The following DPYD variants were observed in gnomAD, a reference collection of about 807,000 sequenced individuals.
DPYD encodes the protein dihydropyrimidine dehydrogenase [NADP(+)].
DPYD carries 109 observed loss-of-function variants against 116.2 expected under a neutral mutation model. That is an observed-to-expected ratio of 0.94 (90% CI 0.80 to 1.10). The LOEUF (loss-of-function observed/expected upper bound fraction) is 1.10. Ranked by LOEUF, DPYD falls within the 50% of genes least tolerant of loss-of-function variation. The pLI is 0.00. For missense variants in DPYD, 1,302 were observed against 1,254.5 expected, an observed-to-expected ratio of 1.04 and a Z score of -0.57; for synonymous variants, 440 against 432.0, an observed-to-expected ratio of 1.02 and a Z score of -0.23.
intron 18 of DPYD, among the ~76,000 whole-genome samples, chr1:97,278,819 A>T (rs1665121207): frequency 6.6e-6 from 1 of 152,226 alleles, no homozygotes; most frequent in East Asian, 1.9e-4. Context: ...ATTTACTATC[A>T]GTGTATGAAT....
At position 97,306,130 on chromosome 1, in the gene DPYD, G is replaced by A. The variant is rs144820557; in HGVS notation, c.2179+47C>T. 1.9e-4 allele frequency: 309 copies of A among 1,610,598 alleles called. 2 individuals are homozygous for A. The East Asian group carries it at 3.4e-3, about 18-fold the overall frequency. ...TACTTGAGTATGGCTACATAATGTG[G>A]GCCAATATTTACAATAGCGGGCAAC... On this transcript the variant is annotated intron_variant, in intron 17 of 22. Coordinates refer to ENST00000370192, the MANE Select transcript of DPYD (RefSeq NM_000110.4).
In DPYD at chr1:97,326,922, A is replaced by G. The variant is rs78561291; in HGVS notation, c.2059-20625T>C. Among the ~76,000 whole-genome samples the G allele has an allele frequency of 7.0e-3, 1,064 of 152,168 alleles. 11 individuals carry two copies. Among genetic ancestry groups the G allele is most frequent in the African/African-American group, 0.025 (1,022 of 41,570 alleles). ...CACAATTAGAACTAATGACATGATG[A>G]AAGAGATCATCTGTTATGTTACAAG... On this transcript the variant is annotated intron_variant, in intron 16 of 22. Transcript: ENST00000370192.
At chr1:97,540,087 A>G (rs1397840554) in intron 12 of DPYD, among the ~76,000 whole-genome samples, 1 of 152,080 alleles carries the variant, frequency 6.6e-6, no homozygotes, top group Non-Finnish European at 1.5e-5. Flanking sequence ...TCTGTAGTGG[A>G]CACAAGCTGA....
chr1:97,578,086 T>C (rs2102199048), intron 10 of DPYD, among the ~76,000 whole-genome samples: 1 of 152,164 alleles, frequency 6.6e-6, no homozygotes, highest in South Asian at 2.1e-4. Flanking sequence ...CCTCAAGTGT[T>C]CCGCCCACCT....
chr1:97,730,896 T>C (rs1015217900), intron 4 of DPYD, among the ~76,000 whole-genome samples: 22 of 151,640 alleles, frequency 1.5e-4, no homozygotes, highest in Non-Finnish European at 2.8e-4. Flanking sequence ...AAAAAAAGCA[T>C]TGGGTATTGA....
intron 8 of DPYD, among the ~76,000 whole-genome samples, chr1:97,628,515 A>G (rs1485324825): frequency 4.6e-5 from 7 of 152,104 alleles, no homozygotes; most frequent in Non-Finnish European, 1.0e-4. Flanking sequence ...TCCTGCCATC[A>G]AGCATGTAGT....
At chr1:97,356,309 C>G (rs1670426805) in intron 16 of DPYD, among the ~76,000 whole-genome samples, 1 of 152,128 alleles carries the variant, frequency 6.6e-6, no homozygotes, top group African/African-American at 2.4e-5. Context: ...TGTTTAGTCT[C>G]CTTATATATA....
chr1:97,479,598 T>A (rs1678185837), intron 13 of DPYD, among the ~76,000 whole-genome samples: 1 of 152,168 alleles, frequency 6.6e-6, no homozygotes, highest in African/African-American at 2.4e-5. Flanking sequence ...TATCAAAATG[T>A]GGCACAGAGA....
At chr1:97,711,577 G>A (rs1662286057) in intron 5 of DPYD, among the ~76,000 whole-genome samples, 1 of 151,902 alleles carries the variant, frequency 6.6e-6, no homozygotes, top group African/African-American at 2.4e-5. Flanking sequence ...GGTCAGTTTT[G>A]ATAAATGTTC....
Position 97,866,395 on chromosome 1 carries a change from C to T in DPYD, c.150+16869G>A, listed in dbSNP as rs111599405. Among the ~76,000 whole-genome samples the T allele has an allele frequency of 2.4e-3, 361 of 152,074 alleles. 1 individual carries two copies. The highest frequency in any genetic ancestry group is 3.8e-3 in the Non-Finnish European group (259 of 67,904). On this transcript the variant is annotated intron_variant, in intron 2 of 22. Transcript: ENST00000370192. Reference sequence around the variant, plus strand: ...AAGCAAATGAATTTGAAAAACCAAACTTTAAATGTGAACTTCAATTTTTAT... The same window carrying T: ...AAGCAAATGAATTTGAAAAACCAAATTTTAAATGTGAACTTCAATTTTTAT...
At chr1:97,343,063 T>C (rs752476872) in intron 16 of DPYD, among the ~76,000 whole-genome samples, 7 of 152,146 alleles carry the variant, frequency 4.6e-5, no homozygotes, top group Non-Finnish European at 1.0e-4. Context: ...ATACTGTGAA[T>C]CAGTACATTT....
intron 13 of DPYD, among the ~76,000 whole-genome samples, chr1:97,485,349 G>A (rs186521793): frequency 6.6e-6 from 1 of 152,166 alleles, no homozygotes; most frequent in Non-Finnish European, 1.5e-5. Flanking sequence ...CTACAGGAGT[G>A]CACCACGATG....
chr1:97,706,745 AGTTT>A (rs1661979105), intron 5 of DPYD, among the ~76,000 whole-genome samples: 1 of 152,072 alleles, frequency 6.6e-6, no homozygotes, highest in South Asian at 2.1e-4. Context: ...TATGTACCAT[AGTTT>A]ATTTATGCAT....
intron 20 of DPYD, among the ~76,000 whole-genome samples, chr1:97,169,671 T>G (rs1455615763): frequency 6.6e-6 from 1 of 152,078 alleles, no homozygotes; most frequent in East Asian, 1.9e-4. Context: ...ACTAGCAACC[T>G]GTCACATTTA....
At chr1:97,158,484 CACACACACACA>C (rs1655656560) in intron 20 of DPYD, among the ~76,000 whole-genome samples, 2 of 131,266 alleles carry the variant, frequency 1.5e-5, no homozygotes, top group African/African-American at 6.5e-5. Context: ...CACACACACA[CACACACACACA>C]CACACACACA....
intron 20 of DPYD, among the ~76,000 whole-genome samples, chr1:97,184,247 GGT>G (rs1423091375): frequency 5.3e-5 from 8 of 152,012 alleles, no homozygotes; most frequent in Admixed American, 5.3e-4. Flanking sequence ...GTGTCTTCAT[GGT>G]AGAATGATTT....
At chr1:97,388,144 T>C (rs1326948188) in intron 14 of DPYD, among the ~76,000 whole-genome samples, 1 of 152,014 alleles carries the variant, frequency 6.6e-6, no homozygotes, top group Non-Finnish European at 1.5e-5. Flanking sequence ...AAAGTAGAAA[T>C]TAAGAATGAT....
In DPYD at chr1:97,814,782, T is replaced by C. The variant is rs150932706; in HGVS notation, c.233+13332A>G. Among the ~76,000 whole-genome samples the C allele has an allele frequency of 9.3e-3, 1,404 of 151,702 alleles. 25 individuals carry two copies. The highest frequency in any genetic ancestry group is 0.032 in the African/African-American group (1,335 of 41,316). On this transcript the variant is annotated intron_variant, in intron 3 of 22. Transcript: ENST00000370192. ...ATCCAGGTGTGGTGGTACATGCCTG[T>C]AGTCCCAGCTACTCAGTAGGCTGAG...
chr1:97,665,510 T>A (rs1031788240), intron 8 of DPYD, among the ~76,000 whole-genome samples: 1 of 152,114 alleles, frequency 6.6e-6, no homozygotes, highest in Non-Finnish European at 1.5e-5. Flanking sequence ...AATTAGTCAG[T>A]CTTGAATTTA....
Sources: gnomAD v4.1 joint callset for allele counts (sites outside exome capture counted in the v4.1 genomes callset) on GRCh38, gnomAD v4.1.1 for gene constraint, MANE v1.5 for transcripts, NCBI Gene and HGNC (gene_info 2026-07-23, HGNC 2026-07-21) for gene names.